Variants in FRMPD1 observed in about 807,000 individuals in gnomAD.
The protein encoded by FRMPD1 is FERM and PDZ domain containing 1, also known as FERM and PDZ domain-containing protein 1.
FRMPD1 carries 76 observed loss-of-function variants against 117.8 expected under a neutral mutation model. The ratio of observed to expected loss-of-function variants is 0.65; its 90% CI spans 0.54 to 0.78. The LOEUF (loss-of-function observed/expected upper bound fraction) is 0.78, where lower values mean the gene tolerates loss of function less well. Ranked by LOEUF, FRMPD1 falls within the 30% of genes least tolerant of loss-of-function variation. The probability of loss-of-function intolerance (pLI) is 0.00; values close to 1 mark genes in which losing one functional copy is unlikely to be tolerated. For missense variants in FRMPD1, 1,786 were observed against 1,964.5 expected (o/e 0.91, Z 1.72); for synonymous variants, 783 against 770.4 (o/e 1.02, Z -0.27).
chr9:37,718,020 T>A (rs1259747886), intron 5 of FRMPD1, among the ~76,000 whole-genome samples: 1 of 152,104 alleles, frequency 6.6e-6, no homozygotes, highest in Admixed American at 6.6e-5. Context: ...TTTCTACTAA[T>A]TTTTTTTGTT....
At chr9:37,743,249 C>T (rs1424243099) in intron 15 of FRMPD1, among the ~76,000 whole-genome samples, 1 of 152,136 alleles carries the variant, frequency 6.6e-6, no homozygotes, top group Non-Finnish European at 1.5e-5. Context: ...TTAGTGAATA[C>T]CTAATGAGGC....
At chr9:37,738,498 C>T (rs1415476596) in intron 14 of FRMPD1, among the ~76,000 whole-genome samples, 3 of 152,228 alleles carry the variant, frequency 2.0e-5, no homozygotes, top group South Asian at 2.1e-4. Flanking sequence ...TGCCACCACG[C>T]CCGGCTAATT....
chr9:37,625,717 T>G, the FRMPD1 span, among the ~76,000 whole-genome samples: 1 of 152,126 alleles, frequency 6.6e-6, no homozygotes, highest in African/African-American at 2.4e-5. Flanking sequence ...AAGAGAGAAC[T>G]GGGGTGGGCG....
the FRMPD1 span, among the ~76,000 whole-genome samples, chr9:37,625,573 T>C: frequency 3.9e-5 from 6 of 152,150 alleles, no homozygotes; most frequent in African/African-American, 1.2e-4. Context: ...AGTTCCTAAG[T>C]GCTTAGAGGG....
chr9:37,714,056 T>C (rs1487973102), intron 5 of FRMPD1, among the ~76,000 whole-genome samples: 1 of 152,248 alleles, frequency 6.6e-6, no homozygotes. Context: ...ACCTACCTAA[T>C]GAGGATGAAG....
In FRMPD1 at chr9:37,692,675, C is replaced by T. The variant is rs1373631244; in HGVS notation, c.34C>T (p.Arg12Trp). Residue 12 changes from arginine (R) to tryptophan (W), a missense_variant, in exon 2 of 16, where the codon CGG (arginine) becomes TGG (tryptophan). Physicochemically the swap from Arg to Trp is moderately radical, Grantham distance 101. Transcript: ENST00000377765. ...GCTGGAGACCAGTTTATTCCAGACACGGAAAGCACATAGAATAGAACAAAT... is the reference window on the plus strand; with the variant it reads ...GCTGGAGACCAGTTTATTCCAGACATGGAAAGCACATAGAATAGAACAAAT... ...EELETSLFQT[R>W]KAHRIEQMVA... The T allele has an allele frequency of 8.1e-6, 13 of 1,613,630 alleles. No individual in the cohort carries two copies. Among genetic ancestry groups the T allele is most frequent in the East Asian group, 6.7e-5 (3 of 44,902 alleles).
intron 10 of FRMPD1, 50 bp from the exon 11 acceptor site, chr9:37,733,423 C>T: frequency 6.3e-7 from 1 of 1,580,670 alleles, no homozygotes; most frequent in South Asian, 1.1e-5. Context: ...TTCATTAGAG[C>T]CAAGTACCCT....
At chr9:37,642,250 G>A in the FRMPD1 span, among the ~76,000 whole-genome samples, 1 of 152,290 alleles carries the variant, frequency 6.6e-6, no homozygotes, top group African/African-American at 2.4e-5. Context: ...CTGCAAAAAA[G>A]ACACATGATA....
At chr9:37,617,400 T>A in the FRMPD1 span, among the ~76,000 whole-genome samples, 51 of 152,304 alleles carry the variant, frequency 3.3e-4, no homozygotes, top group African/African-American at 1.2e-3. Flanking sequence ...GCTCTACCAC[T>A]TGCCCACTGG....
At chr9:37,618,246 TC>T in the FRMPD1 span, among the ~76,000 whole-genome samples, 2 of 152,154 alleles carry the variant, frequency 1.3e-5, no homozygotes, top group Non-Finnish European at 2.9e-5. Flanking sequence ...AGACATAAAT[TC>T]ATACTTTCAA....
chr9:37,674,582 C>A (rs1455388584), intron 1 of FRMPD1, among the ~76,000 whole-genome samples: 2 of 152,200 alleles, frequency 1.3e-5, no homozygotes, highest in African/African-American at 4.8e-5. Flanking sequence ...TGTTTTCATG[C>A]TGCTGATAAA....
chr9:37,746,831 C>T lies in FRMPD1; in HGVS notation c.*62C>T. The T allele has an allele frequency of 9.1e-7, 1 of 1,099,466 alleles. No individual in the cohort carries two copies. Among genetic ancestry groups the T allele is most frequent in the Admixed American group, 1.9e-5 (1 of 52,934 alleles). The allele number at this position is 1,099,466 out of a possible 1,614,324, so 68.1% of individuals were successfully genotyped here. A position where few individuals can be genotyped will look rare whatever the true frequency, so the allele number is the denominator to read the frequency against. On this transcript the variant is annotated 3_prime_UTR_variant, in exon 16 of 16. Transcript: ENST00000377765. ...GCCTTGGACACTTCCCTGAGAAGCC[C>T]CTTCCACTCTCCCACCCACCCTCTT...
chr9:37,662,701 C>G (rs1821036598), intron 1 of FRMPD1, among the ~76,000 whole-genome samples: 11 of 152,094 alleles, frequency 7.2e-5, no homozygotes, highest in Admixed American at 6.6e-4. Context: ...TTGGAATTAT[C>G]AGTATGGAAA....
chr9:37,742,693 G>A (rs555834698), intron 15 of FRMPD1, among the ~76,000 whole-genome samples: 2 of 152,304 alleles, frequency 1.3e-5, no homozygotes, highest in East Asian at 3.9e-4. Flanking sequence ...GAGGTTGGGA[G>A]TTTGAGACTA....
At chr9:37,650,813 C>T (rs529393891), upstream of FRMPD1, among the ~76,000 whole-genome samples, 7 of 149,904 alleles carry the variant, frequency 4.7e-5, no homozygotes, top group South Asian at 1.2e-3. Flanking sequence ...GGAGGCGGCG[C>T]GCGGGGCTCC....
chr9:37,706,938 C>CCATCCATG (rs1234354749), intron 2 of FRMPD1, among the ~76,000 whole-genome samples: 4 of 68,460 alleles, frequency 5.8e-5, no homozygotes, highest in African/African-American at 1.3e-4. Context: ...GTCAGTCCGT[C>CCATCCATG]CATCCATCCA....
At chr9:37,736,954 G>T (rs1824162237) in intron 13 of FRMPD1, 142 bp from the exon 14 acceptor site, 3 of 663,000 alleles carry the variant, frequency 4.5e-6, no homozygotes, top group Admixed American at 2.5e-5. Flanking sequence ...TGCAAGTGAG[G>T]ATATGGGGCA....
At position 37,746,213 on chromosome 9, in the gene FRMPD1, C is replaced by G. The variant is rs761435424; in HGVS notation, c.4181C>G (p.Ser1394Trp). ...RAHSCTTAPL[S>W]RKSHIWPEYC... ...CACAGCTGCACCACCGCACCCCTGT[C>G]GAGGAAAAGCCACATCTGGCCAGAG... is the stretch of plus-strand genomic sequence containing the variant. The change falls in exon 16 of 16, where the codon TCG becomes TGG. Residue 1394 changes from serine (S) to tryptophan (W), a missense_variant. Physicochemically the swap from Ser to Trp is radical, Grantham distance 177 (BLOSUM62 -3). Coordinates refer to ENST00000377765, the MANE Select transcript of FRMPD1 (RefSeq NM_014907.3). 2 of 1,613,144 alleles carry G rather than the reference C, an allele frequency of 1.2e-6. No individual in the cohort carries two copies. Among genetic ancestry groups the G allele is most frequent in the African/African-American group, 1.3e-5 (1 of 74,940 alleles).
chr9:37,675,280 G>A (rs534970167), intron 1 of FRMPD1, among the ~76,000 whole-genome samples: 10 of 152,168 alleles, frequency 6.6e-5, no homozygotes, highest in South Asian at 4.1e-4. Flanking sequence ...AAAATGAATC[G>A]GAGTGGTGGC....
Sources: allele counts gnomAD v4.1 joint callset (sites outside exome capture counted in the v4.1 genomes callset), GRCh38; gene constraint gnomAD v4.1.1; transcripts MANE v1.5; gene names NCBI Gene and HGNC (gene_info 2026-07-23, HGNC 2026-07-21).